The following EI24 variants were observed in gnomAD, a reference collection of about 807,000 sequenced individuals.
EI24 encodes etoposide-induced protein 2.4 homolog.
A neutral mutation model predicts 48.6 loss-of-function variants in EI24; 21 were observed. The observed-to-expected ratio is 0.43, with a 90% CI of 0.31 to 0.62. EI24 has a LOEUF of 0.62. EI24 is among the 20% of genes least tolerant of loss of function. The pLI, the probability that EI24 is intolerant of heterozygous loss-of-function variation, is 0.10. For missense variants in EI24, 280 were observed against 410.5 expected (o/e 0.68, Z 2.75); for synonymous variants, 114 against 145.5 (o/e 0.78, Z 1.56).
Position 125,575,406 on chromosome 11 carries a change from G to A in EI24, c.186G>A (p.Glu62=). ...RRAQSIERKQ[E]SEPRIVSRIF... is the part of the protein sequence containing the mutation. Reference sequence around the variant, plus strand: ...CCCAGAGTATAGAGCGGAAGCAAGAGAGGTAAGGAGTGCATGCCTGATATC... The same window carrying A: ...CCCAGAGTATAGAGCGGAAGCAAGAAAGGTAAGGAGTGCATGCCTGATATC... The change falls in exon 3 of 11, where the codon GAG becomes GAA. Residue 62 remains glutamate (E), a splice_region_variant and synonymous_variant. Coordinates refer to ENST00000278903, the MANE Select transcript of EI24 (RefSeq NM_004879.5). 1 of 1,587,708 alleles carries A rather than the reference G, an allele frequency of 6.3e-7. No individual in the cohort carries two copies. The highest frequency in any genetic ancestry group is 8.6e-7 in the Non-Finnish European group (1 of 1,165,348).
intron 8 of EI24, 127 bp from the exon 9 acceptor site, chr11:125,581,084 A>AATG: frequency 5.1e-6 from 1 of 194,990 alleles, no homozygotes. Flanking sequence ...CTCAAATAAT[A>AATG]ATAATAATAA....
At chr11:125,577,875 A>C (rs1274534130) in intron 5 of EI24, 1 of 581,916 alleles carries the variant, frequency 1.7e-6, no homozygotes, top group African/African-American at 1.9e-5. Context: ...ACTGGTAATC[A>C]CTGTGGCATC....
chr11:125,574,218 A>C (rs1938645012), intron 2 of EI24, among the ~76,000 whole-genome samples: 1 of 151,242 alleles, frequency 6.6e-6, no homozygotes, highest in Non-Finnish European at 1.5e-5. Context: ...ATGCCACTGC[A>C]CTCCAGCCTG....
rs1445454366 is a variant in EI24, at chr11:125,576,246, C to G, written c.189-9C>G. ...GCTTTATAAACTAAATACATGTGATCTTTTCCAGTGAGCCACGTATTGTTA... is the reference window on the plus strand; with the variant it reads ...GCTTTATAAACTAAATACATGTGATGTTTTCCAGTGAGCCACGTATTGTTA... On this transcript the variant is annotated splice_polypyrimidine_tract_variant and intron_variant, in intron 3 of 10. Coordinates refer to ENST00000278903, the MANE Select transcript of EI24 (RefSeq NM_004879.5). 6.2e-7 allele frequency: 1 copy of G among 1,613,040 alleles called. No homozygotes were observed. The highest frequency in any genetic ancestry group is 1.7e-5 in the Admixed American group (1 of 59,944).
In EI24 at chr11:125,583,649, C is replaced by A; in HGVS notation, c.989C>A (p.Ser330Ter). 6.2e-7 allele frequency: 1 copy of A among 1,613,402 alleles called. No homozygotes were observed. Among genetic ancestry groups the A allele is most frequent in the East Asian group, 2.2e-5 (1 of 44,844 alleles). ...GAGAAGTTCCCTTCACCGCATCCGT[C>A]GCCTGCCAAACTGAAGGCTACTGCA... is the stretch of plus-strand genomic sequence containing the variant. ...SAEKFPSPHP[S>*]PAKLKATAGH Residue 330 changes from serine (S) to a stop codon, truncating the protein, a stop_gained, in exon 11 of 11, where the codon TCG becomes TAG. Coordinates refer to ENST00000278903, the MANE Select transcript of EI24 (RefSeq NM_004879.5). LOFTEE classifies it high-confidence loss of function.
At chr11:125,578,480 CTTTT>C (rs370986926) in intron 6 of EI24, among the ~76,000 whole-genome samples, 6 of 84,684 alleles carry the variant, frequency 7.1e-5, no homozygotes, top group African/African-American at 9.5e-5. Flanking sequence ...TTCGTTTTGG[CTTTT>C]TTTTTTTTTT....
chr11:125,570,582 T>C (rs142308095), intron 1 of EI24: 9 of 152,342 alleles, frequency 5.9e-5, no homozygotes, highest in African/African-American at 2.2e-4. Flanking sequence ...ACAGCTGTTG[T>C]GGACTGAGAC....
At position 125,575,247 on chromosome 11, in the gene EI24, A is replaced by T. The variant is rs1248915282; in HGVS notation, c.43-16A>T. ...GTCTCAAATAATAATAATAATAATG[A>T]TAGCCTTTTCTATAGGGAATCAAAG... On this transcript the variant is annotated splice_polypyrimidine_tract_variant and intron_variant, in intron 2 of 10. Coordinates refer to ENST00000278903, the MANE Select transcript of EI24 (RefSeq NM_004879.5). 2 of 1,531,416 alleles carry T rather than the reference A, an allele frequency of 1.3e-6. No homozygotes were observed. Among genetic ancestry groups the T allele is most frequent in the Non-Finnish European group, 1.8e-6 (2 of 1,134,102 alleles). The allele number at this position is 1,531,416 out of a possible 1,614,324, so 94.9% of individuals were successfully genotyped here.
At chr11:125,571,771 G>T (rs1018001767) in intron 1 of EI24, among the ~76,000 whole-genome samples, 2 of 152,066 alleles carry the variant, frequency 1.3e-5, no homozygotes, top group African/African-American at 4.8e-5. Context: ...TCAGCTACTC[G>T]GGAGGCTGAG....
chr11:125,582,339 T>TA lies in EI24; in HGVS notation c.786-4dup. 6.5e-7 allele frequency: 1 copy of TA among 1,533,996 alleles called. No homozygotes were observed. The highest frequency in any genetic ancestry group is 8.8e-7 in the Non-Finnish European group (1 of 1,142,386). ...ACTAATTATTTCTTTTTTTTTTTTT[T>TA]AAACAGTGGCTGCCTTTTCTCTATC... On this transcript the variant is annotated splice_polypyrimidine_tract_variant and splice_region_variant and intron_variant, in intron 9 of 10. Coordinates refer to ENST00000278903, the MANE Select transcript of EI24 (RefSeq NM_004879.5).
At position 125,578,232 on chromosome 11, in the gene EI24, A is replaced by G; in HGVS notation, c.416A>G (p.Lys139Arg). 6.2e-7 allele frequency: 1 copy of G among 1,613,932 alleles called. No homozygotes were observed. Among genetic ancestry groups the G allele is most frequent in the Non-Finnish European group, 8.5e-7 (1 of 1,179,872 alleles). The change falls in exon 6 of 11, where the codon AAA (lysine) becomes AGA (arginine). Residue 139 changes from lysine to arginine, a missense_variant. Transcript: ENST00000278903. ...GTGCTCCCCTTGTTTGTGCTTAGCA[A>G]AGTGGTGAATGCCATTTGGTTTCAG... ...LWVLPLFVLS[K>R]VVNAIWFQDI...
chr11:125,572,865 G>C (rs1458941054), intron 2 of EI24, among the ~76,000 whole-genome samples: 1 of 139,620 alleles, frequency 7.2e-6, no homozygotes, highest in South Asian at 2.4e-4. Context: ...ATTTTGGAAT[G>C]TGTTTAGATT....
chr11:125,570,751 T>C (rs901538532), intron 1 of EI24, among the ~76,000 whole-genome samples: 5 of 152,208 alleles, frequency 3.3e-5, no homozygotes, highest in Non-Finnish European at 7.4e-5. Flanking sequence ...AAGAAACCTA[T>C]GAAGAAGTTT....
rs1939093819 is a variant in EI24, at chr11:125,583,370, CATCCATGTATCTA to C, written c.861-148_861-136del. 4.5e-6 allele frequency: 3 copies of C among 669,142 alleles called. No individual in the cohort carries two copies. In the East Asian group the frequency reaches 8.8e-5, roughly 20 times the overall value. The allele number at this position is 669,142 out of a possible 1,614,324, so 41.5% of individuals were successfully genotyped here. On this transcript the variant is annotated intron_variant, in intron 10 of 10. Transcript: ENST00000278903. ...CAATGTATTCTTTAGTTGCCTGTTC[CATCCATGTATCTA>C]ATATCTGTATTTCCTTGATCAAGTT...
At chr11:125,582,627 C>A (rs758879754) in intron 10 of EI24, among the ~76,000 whole-genome samples, 1 of 152,084 alleles carries the variant, frequency 6.6e-6, no homozygotes, top group Non-Finnish European at 1.5e-5. Context: ...TTTCCAAAAC[C>A]GATCCCATTA....
At chr11:125,570,865 T>C (rs1029826464) in intron 1 of EI24, among the ~76,000 whole-genome samples, 4 of 152,228 alleles carry the variant, frequency 2.6e-5, no homozygotes, top group Admixed American at 2.6e-4. Context: ...GCTAGTTATC[T>C]AGCTCAGCTG....
In EI24 at chr11:125,584,508, A is replaced by G. The variant is rs1296854344; in HGVS notation, c.*825A>G. ...TTTACTGTTGGCCACTGCCAGGTCT[A>G]TTTCATATTTCAAAGGAATATTGGG... On this transcript the variant is annotated 3_prime_UTR_variant, in exon 11 of 11. Coordinates refer to ENST00000278903, the MANE Select transcript of EI24 (RefSeq NM_004879.5). The G allele has an allele frequency of 1.3e-5, 2 of 152,574 alleles. No homozygotes were observed. The highest frequency in any genetic ancestry group is 4.8e-5 in the African/African-American group (2 of 41,432). The allele number at this position is 152,574 out of a possible 1,614,324, so 9.5% of individuals were successfully genotyped here.
At chr11:125,582,601 CAT>C (rs1185368300) in intron 10 of EI24, among the ~76,000 whole-genome samples, 181 bp downstream of exon 10, 1 of 152,128 alleles carries the variant, frequency 6.6e-6, no homozygotes, top group Non-Finnish European at 1.5e-5. Context: ...CATATATGCA[CAT>C]GAGTATATAT....
Position 125,569,555 on chromosome 11 carries a change from C to G in EI24, c.-89C>G. The G allele has an allele frequency of 2.7e-6, 1 of 372,476 alleles. No individual in the cohort carries two copies. Among genetic ancestry groups the G allele is most frequent in the Non-Finnish European group, 4.8e-6 (1 of 209,286 alleles). The allele number at this position is 372,476 out of a possible 1,614,324, so 23.1% of individuals were successfully genotyped here. A position where few individuals can be genotyped will look rare whatever the true frequency, so the allele number is the denominator to read the frequency against. On this transcript the variant is annotated 5_prime_UTR_variant, in exon 1 of 11. Coordinates refer to ENST00000278903, the MANE Select transcript of EI24 (RefSeq NM_004879.5). ...GGTGGGCTAGGGGCAGGGCCGGAGCCGCGGCGGCGGAGCTGTGGGTAGGTG... is the reference window on the plus strand; with the variant it reads ...GGTGGGCTAGGGGCAGGGCCGGAGCGGCGGCGGCGGAGCTGTGGGTAGGTG...
Sources: gnomAD v4.1 joint callset for allele counts (sites outside exome capture counted in the v4.1 genomes callset) on GRCh38, gnomAD v4.1.1 for gene constraint, MANE v1.5 for transcripts, NCBI Gene and HGNC (gene_info 2026-07-23, HGNC 2026-07-21) for gene names.